Variants in GRIN2B observed in about 807,000 individuals in gnomAD.
GRIN2B encodes the protein glutamate receptor ionotropic, NMDA 2B.
GRIN2B carries 5 observed loss-of-function variants against 114.5 expected under a neutral mutation model. The observed-to-expected ratio is 0.04, with a 90% CI of 0.02 to 0.09. The LOEUF (loss-of-function observed/expected upper bound fraction) is 0.09, where lower values mean the gene tolerates loss of function less well. Ranked by LOEUF, GRIN2B falls within the 10% of genes least tolerant of loss-of-function variation. The probability of loss-of-function intolerance (pLI) is 1.00; values close to 1 mark genes in which losing one functional copy is unlikely to be tolerated. For synonymous variants in GRIN2B, 787 were observed against 745.1 expected (o/e 1.06, Z -0.92); for missense variants, 1,108 against 1,943.5 (o/e 0.57, Z 8.08).
chr12:13,572,007 GGAGAGAGAGA>G (rs370168771), intron 10 of GRIN2B, 43 bp from the exon 11 acceptor site: 4 of 1,463,026 alleles, frequency 2.7e-6, no homozygotes, highest in Non-Finnish European at 3.8e-6. Flanking sequence ...GGAGATGGAG[GGAGAGAGAGA>G]GAGAAAAGTC....
At chr12:13,842,371 G>A (rs1371751836) in intron 3 of GRIN2B, among the ~76,000 whole-genome samples, 5 of 152,158 alleles carry the variant, frequency 3.3e-5, no homozygotes, top group African/African-American at 9.7e-5. Context: ...CCCTTAAAAT[G>A]TCCAAGGTAT....
chr12:13,841,912 A>G (rs1409540715), intron 3 of GRIN2B, among the ~76,000 whole-genome samples: 1 of 152,280 alleles, frequency 6.6e-6, no homozygotes, highest in East Asian at 1.9e-4. Flanking sequence ...TTAAAAGTCG[A>G]AATTGGAAAA....
At chr12:13,766,297 T>C (rs1382317725) in intron 3 of GRIN2B, among the ~76,000 whole-genome samples, 1 of 152,194 alleles carries the variant, frequency 6.6e-6, no homozygotes, top group African/African-American at 2.4e-5. Context: ...GTTTAGAATA[T>C]AAGTATCCTA....
At chr12:13,980,457 G>A (rs76826810) in intron 1 of GRIN2B, 101 bp from the exon 2 acceptor site, 9,382 of 152,256 alleles carry the variant, frequency 0.062, 424 homozygotes, top group Non-Finnish European at 0.1. Context: ...TAAGGAAAGG[G>A]GGGAGGAAAC....
At chr12:13,965,343 C>T (rs893757706) in intron 2 of GRIN2B, among the ~76,000 whole-genome samples, 1 of 152,214 alleles carries the variant, frequency 6.6e-6, no homozygotes, top group African/African-American at 2.4e-5. Context: ...GAAGGTTATA[C>T]ACTGGCTCTC....
rs114121802 is a variant in GRIN2B at position 13,977,070 on chromosome 12, C to T, written c.-19+2858G>A. Among the ~76,000 whole-genome samples the T allele has an allele frequency of 6.2e-3, 949 of 152,296 alleles. 12 individuals are homozygous for T. Among genetic ancestry groups the T allele is most frequent in the African/African-American group, 0.022 (896 of 41,562 alleles). ...AAATCAAGGTTCCTGCTGTTCATCC[C>T]TTCTCCAGAGGAAGTCGCTCTTCTC... On this transcript the variant is annotated intron_variant, in intron 2 of 13. Transcript: ENST00000609686.
At chr12:13,928,454 T>C (rs1317691598) in intron 2 of GRIN2B, among the ~76,000 whole-genome samples, 1 of 152,210 alleles carries the variant, frequency 6.6e-6, no homozygotes, top group East Asian at 1.9e-4. Flanking sequence ...AAGGAGATAA[T>C]ATGGTTACCT....
intron 4 of GRIN2B, among the ~76,000 whole-genome samples, chr12:13,690,135 T>C (rs757274041): frequency 6.6e-6 from 1 of 152,206 alleles, no homozygotes; most frequent in Non-Finnish European, 1.5e-5. Context: ...CCTTCTGTTA[T>C]CCTTTGCAGA....
intron 4 of GRIN2B, among the ~76,000 whole-genome samples, chr12:13,703,588 C>T (rs1950330460): frequency 6.6e-6 from 1 of 152,132 alleles, no homozygotes; most frequent in African/African-American, 2.4e-5. Flanking sequence ...TCTCTCTCTA[C>T]ACATACACAC....
intron 2 of GRIN2B, among the ~76,000 whole-genome samples, chr12:13,887,260 T>C (rs1433084813): frequency 2.0e-5 from 3 of 152,242 alleles, no homozygotes; most frequent in Non-Finnish European, 4.4e-5. Context: ...TCTTAAAACT[T>C]TTTAATAATT....
At chr12:13,816,158 C>T (rs539832890) in intron 3 of GRIN2B, among the ~76,000 whole-genome samples, 41 of 152,232 alleles carry the variant, frequency 2.7e-4, no homozygotes, top group Non-Finnish European at 4.7e-4. Flanking sequence ...GACCACCCTA[C>T]GTGGCTAGAT....
At chr12:13,742,925 C>T (rs1863310974) in intron 4 of GRIN2B, among the ~76,000 whole-genome samples, 1 of 152,206 alleles carries the variant, frequency 6.6e-6, no homozygotes, top group Non-Finnish European at 1.5e-5. Flanking sequence ...TAACTTCAAT[C>T]TGCTGCTTGA....
intron 3 of GRIN2B, among the ~76,000 whole-genome samples, chr12:13,801,611 T>C (rs1300088683): frequency 2.6e-5 from 4 of 152,234 alleles, no homozygotes; most frequent in South Asian, 2.1e-4. Flanking sequence ...GGACCCTTGA[T>C]TGATACTCCA....
intron 1 of GRIN2B, among the ~76,000 whole-genome samples, chr12:13,980,597 G>A (rs938550513): frequency 6.6e-6 from 1 of 151,968 alleles, no homozygotes; most frequent in African/African-American, 2.4e-5. Context: ...AAGCCAACCT[G>A]AATGGAAGAG....
At chr12:13,895,484 A>G (rs1420147918) in intron 2 of GRIN2B, among the ~76,000 whole-genome samples, 1 of 152,176 alleles carries the variant, frequency 6.6e-6, no homozygotes, top group Non-Finnish European at 1.5e-5. Flanking sequence ...TATCTCAATT[A>G]GCAGAATAAA....
chr12:13,868,752 G>A lies in GRIN2B; in HGVS notation c.-18-2526C>T, dbSNP rs146022849. On this transcript the variant is annotated intron_variant, in intron 2 of 13. Transcript: ENST00000609686. ...AATATATTATATTTGGCTATGCAGTGGCTAGTTGTGACACCCAAAGAATAG... is the reference window on the plus strand; with the variant it reads ...AATATATTATATTTGGCTATGCAGTAGCTAGTTGTGACACCCAAAGAATAG... Among the ~76,000 whole-genome samples, 15 of 152,242 alleles carry A rather than the reference G, an allele frequency of 9.9e-5. No homozygotes were observed. The East Asian group carries it at 2.7e-3, about 27-fold the overall frequency.
chr12:13,912,982 C>T (rs189662457), intron 2 of GRIN2B, among the ~76,000 whole-genome samples: 119 of 152,186 alleles, frequency 7.8e-4, no homozygotes, highest in Admixed American at 2.4e-3. Flanking sequence ...TTTGGTAACT[C>T]CTCATGTCAC....
intron 2 of GRIN2B, among the ~76,000 whole-genome samples, chr12:13,958,763 T>A (rs1173694091): frequency 6.6e-6 from 1 of 152,038 alleles, no homozygotes; most frequent in East Asian, 1.9e-4. Flanking sequence ...CTCCTCATCC[T>A]CCTCCTCTTC....
rs1401008743 is a variant in GRIN2B at position 13,548,262 on chromosome 12, T to TTATGTTGTG, written c.*14512_*14520dup. On this transcript the variant is annotated 3_prime_UTR_variant, in exon 14 of 14. Coordinates refer to ENST00000609686, the MANE Select transcript of GRIN2B (RefSeq NM_000834.5). The stretch of plus-strand genomic sequence containing the variant: ...GGATACTTGAAATAGGAAGATATCT[T>TTATGTTGTG]TATGTTGTGTATACTCGGTTTAGTG... 7 of 151,902 alleles carry TTATGTTGTG rather than the reference T, an allele frequency of 4.6e-5. No individual in the cohort carries two copies. Among genetic ancestry groups the TTATGTTGTG allele is most frequent in the African/African-American group, 1.7e-4 (7 of 41,386 alleles). The allele number at this position is 151,902 out of a possible 1,614,324, so 9.4% of individuals were successfully genotyped here.
Sources: allele counts gnomAD v4.1 joint callset (sites outside exome capture counted in the v4.1 genomes callset), GRCh38; gene constraint gnomAD v4.1.1; transcripts MANE v1.5; gene names NCBI Gene and HGNC (gene_info 2026-07-23, HGNC 2026-07-21).